MMAA: variants seen among roughly 807,000 people sequenced by gnomAD.
MMAA encodes metabolism of cobalamin associated A.
MMAA carries 41 observed loss-of-function variants against 45.0 expected under a neutral mutation model. The observed-to-expected ratio is 0.91, with a 90% confidence interval of 0.71 to 1.18. MMAA has a LOEUF of 1.18. Among genes scored for constraint, MMAA ranks in the 50% most tolerant of loss-of-function variants. The pLI, the probability that MMAA is intolerant of heterozygous loss-of-function variation, is 0.00. For synonymous variants in MMAA, 154 were observed against 178.2 expected (o/e 0.86, Z 1.08); for missense variants, 460 against 495.7 (o/e 0.93, Z 0.68).
intron 5 of MMAA, among the ~76,000 whole-genome samples, chr4:145,653,463 A>C (rs1416297712): frequency 2.0e-5 from 3 of 152,200 alleles, no homozygotes; most frequent in African/African-American, 7.2e-5. Context: ...AGAAAAATAC[A>C]AAGTATAAAA....
intron 1 of MMAA, chr4:145,626,059 G>A: frequency 9.6e-7 from 1 of 1,045,290 alleles, no homozygotes; most frequent in South Asian, 1.6e-5. Flanking sequence ...CCAGGTCCCA[G>A]TGCCTCTCTG....
intron 1 of MMAA, 123 bp from the exon 2 acceptor site, chr4:145,638,952 T>C (rs1174876797): frequency 3.3e-6 from 2 of 614,230 alleles, no homozygotes; most frequent in Non-Finnish European, 5.7e-6. Context: ...CACCCATTTG[T>C]ACTACCAAAA....
intron 4 of MMAA, among the ~76,000 whole-genome samples, chr4:145,646,892 G>A (rs1358106591): frequency 6.6e-6 from 1 of 152,218 alleles, no homozygotes; most frequent in East Asian, 1.9e-4. Context: ...GAGGTCAGTT[G>A]GAGCAGTAGG....
At chr4:145,635,760 T>C (rs1727591800) in intron 1 of MMAA, among the ~76,000 whole-genome samples, 1 of 152,240 alleles carries the variant, frequency 6.6e-6, no homozygotes, top group Non-Finnish European at 1.5e-5. Context: ...TTTTCTATCC[T>C]GCAGATTTCC....
rs1319388241 is a variant in MMAA, at chr4:145,653,920, C to CT, written c.820-71dup. On this transcript the variant is annotated intron_variant, in intron 5 of 6. Transcript: ENST00000649156. ...GATGAAAAGTTAATGAAATGTATGA[C>CT]TTTCAAAATCTGAGCATTGACTAGT... The CT allele has an allele frequency of 2.0e-6, 3 of 1,490,290 alleles. No homozygotes were observed. The African/African-American group carries it at 4.1e-5, about 21-fold the overall frequency. 92.3% of individuals were successfully genotyped at this position (1,490,290 alleles called of 1,614,324 possible).
chr4:145,647,113 T>C (rs755246236), intron 4 of MMAA, among the ~76,000 whole-genome samples: 2 of 151,998 alleles, frequency 1.3e-5, no homozygotes, highest in Non-Finnish European at 2.9e-5. Context: ...CAGAAGGAGA[T>C]GGTGGAGGTC....
At chr4:145,647,792 C>G (rs1727971679) in intron 4 of MMAA, among the ~76,000 whole-genome samples, 1 of 152,176 alleles carries the variant, frequency 6.6e-6, no homozygotes, top group African/African-American at 2.4e-5. Flanking sequence ...TTTCAAGGCG[C>G]TATCTCCAGA....
rs573591323 is a variant in MMAA at position 145,656,666 on chromosome 4, A to G, written c.*1232A>G. 2.0e-5 allele frequency: 3 copies of G among 152,286 alleles called. No homozygotes were observed. Among genetic ancestry groups the G allele is most frequent in the South Asian group, 4.1e-4 (2 of 4,822 alleles). 9.4% of individuals were successfully genotyped at this position (152,286 alleles called of 1,614,324 possible). A position where few individuals can be genotyped will look rare whatever the true frequency, so the allele number is the denominator to read the frequency against. ...TTTGAATATGTTTTATACTTATTTG[A>G]TGGTAGTTGTAACTGTGTACATTTG... On this transcript the variant is annotated 3_prime_UTR_variant, in exon 7 of 7. Coordinates refer to ENST00000649156, the MANE Select transcript of MMAA (RefSeq NM_172250.3).
chr4:145,625,774 G>T, intron 1 of MMAA: 1 of 1,221,784 alleles, frequency 8.2e-7, no homozygotes, highest in Non-Finnish European at 1.2e-6. Flanking sequence ...TGCTGAGCCT[G>T]CTGTTGAATT....
rs1223524193 is a variant in MMAA at position 145,622,786 on chromosome 4, A to G, written c.-66+3379A>G. On this transcript the variant is annotated intron_variant, in intron 1 of 6. Coordinates refer to ENST00000649156, the MANE Select transcript of MMAA (RefSeq NM_172250.3). ...TAAGATAACTGGAAAGGCTCCTTAC[A>G]TTGTTTTTTGCCCACCACCTTTATT... 2.0e-5 allele frequency among the ~76,000 whole-genome samples: 3 copies of G among 152,206 alleles called. No homozygotes were observed. In the East Asian group the frequency reaches 5.8e-4, roughly 29 times the overall value.
chr4:145,651,366 A>G (rs1728082259), intron 5 of MMAA, among the ~76,000 whole-genome samples: 1 of 152,220 alleles, frequency 6.6e-6, no homozygotes, highest in Non-Finnish European at 1.5e-5. Context: ...ATTATGCAAC[A>G]TTAATTTTTC....
Position 145,655,569 on chromosome 4 carries a change from A to G in MMAA, c.*135A>G, listed in dbSNP as rs780496991. On this transcript the variant is annotated 3_prime_UTR_variant, in exon 7 of 7. Coordinates refer to ENST00000649156, the MANE Select transcript of MMAA (RefSeq NM_172250.3). ...TCTTTGTTTGTGACCCATGCTTGAA[A>G]ACTTGAAGGAAGTTAGATATGAATG... The G allele has an allele frequency of 3.9e-5, 34 of 882,472 alleles. No homozygotes were observed. The highest frequency in any genetic ancestry group is 5.0e-5 in the Non-Finnish European group (30 of 595,754). The allele number at this position is 882,472 out of a possible 1,614,324, so 54.7% of individuals were successfully genotyped here. A position where few individuals can be genotyped will look rare whatever the true frequency, so the allele number is the denominator to read the frequency against.
At chr4:145,621,592 TG>T (rs199812349) in intron 1 of MMAA, among the ~76,000 whole-genome samples, 27 of 151,692 alleles carry the variant, frequency 1.8e-4, no homozygotes, top group Admixed American at 3.3e-4. Flanking sequence ...CTTCTGTGGT[TG>T]GGGGGGGTGG....
chr4:145,629,603 A>G (rs186699767), intron 1 of MMAA, among the ~76,000 whole-genome samples: 15 of 152,190 alleles, frequency 9.9e-5, no homozygotes, highest in African/African-American at 3.6e-4. Flanking sequence ...GTATTAGTTC[A>G]TTTTCATGTT....
Position 145,639,392 on chromosome 4 carries a change from T to G in MMAA, c.253T>G (p.Phe85Val). 1 of 1,614,150 alleles carries G rather than the reference T, an allele frequency of 6.2e-7. No homozygotes were observed. Among genetic ancestry groups the G allele is most frequent in the Non-Finnish European group, 8.5e-7 (1 of 1,180,024 alleles). Residue 85 changes from phenylalanine (F) to valine (V), a missense_variant, in exon 2 of 7, where the codon TTT becomes GTT. Coordinates refer to ENST00000649156, the MANE Select transcript of MMAA (RefSeq NM_172250.3). ...TEGLSDKEQRFVDKLYTGLIQ... is the reference protein window; with the variant it reads ...TEGLSDKEQRVVDKLYTGLIQ... The stretch of plus-strand genomic sequence containing the variant: ...AGGACTTTCTGATAAAGAGCAAAGA[T>G]TTGTGGATAAACTTTATACTGGTTT...
rs146977250 is a variant in MMAA, at chr4:145,620,943, A to G, written c.-66+1536A>G. ...CTGCTGGCCTGGGGACTACACTTTG[A>G]GAACCACTGTCCTAGGGTACGGTGA... On this transcript the variant is annotated intron_variant, in intron 1 of 6. Coordinates refer to ENST00000649156, the MANE Select transcript of MMAA (RefSeq NM_172250.3). Among the ~76,000 whole-genome samples, 919 of 152,314 alleles carry G rather than the reference A, an allele frequency of 6.0e-3. 11 individuals carry two copies. Among genetic ancestry groups the G allele is most frequent in the African/African-American group, 0.021 (854 of 41,566 alleles).
In MMAA at chr4:145,655,482, T is replaced by C. The variant is rs374937807; in HGVS notation, c.*48T>C. ...TTTTACATATCATTTCATAAAGTAT[T>C]TTAATAGAAAAATCACTTGTATGCT... On this transcript the variant is annotated 3_prime_UTR_variant, in exon 7 of 7. Transcript: ENST00000649156. 107 of 1,507,370 alleles carry C rather than the reference T, an allele frequency of 7.1e-5. No individual in the cohort carries two copies. In the African/African-American group the frequency reaches 1.4e-3, roughly 20 times the overall value. 93.4% of individuals were successfully genotyped at this position (1,507,370 alleles called of 1,614,324 possible).
At chr4:145,622,715 C>G (rs1734114026) in intron 1 of MMAA, among the ~76,000 whole-genome samples, 2 of 152,124 alleles carry the variant, frequency 1.3e-5, no homozygotes, top group South Asian at 2.1e-4. Flanking sequence ...ATGTAAAATA[C>G]AGTGTGTTTG....
intron 1 of MMAA, among the ~76,000 whole-genome samples, chr4:145,629,091 C>T (rs979896233): frequency 2.0e-5 from 3 of 151,860 alleles, no homozygotes; most frequent in East Asian, 1.9e-4. Context: ...CCTTCCATTC[C>T]GTTGATATGA....
Sources: allele counts gnomAD v4.1 joint callset (sites outside exome capture counted in the v4.1 genomes callset), GRCh38; gene constraint gnomAD v4.1.1; transcripts MANE v1.5; gene names NCBI Gene and HGNC (gene_info 2026-07-23, HGNC 2026-07-21).